The following PRICKLE1 variants were observed in gnomAD, a reference collection of about 807,000 sequenced individuals.
PRICKLE1 encodes the protein prickle planar cell polarity protein 1.
PRICKLE1 carries 14 observed loss-of-function variants against 70.2 expected under a neutral mutation model. The observed-to-expected ratio is 0.20, with a 90% CI of 0.13 to 0.31. The LOEUF is 0.31. Among genes scored for constraint, PRICKLE1 ranks in the 10% least tolerant of loss-of-function variants. The pLI is 1.00. For missense variants in PRICKLE1, 821 were observed against 1,026.2 expected (o/e 0.80, Z 2.73); for synonymous variants, 357 against 379.9 (o/e 0.94, Z 0.70).
intron 1 of PRICKLE1, chr12:42,490,131 G>T (rs527718021): frequency 6.6e-6 from 1 of 152,282 alleles, no homozygotes; most frequent in Admixed American, 6.5e-5. Context: ...GTGATTATAG[G>T]AATATTTGAG....
Position 42,553,401 on chromosome 12 carries a change from G to A in PRICKLE1, c.-49+36064C>T, listed in dbSNP as rs534541873. ...AGAGCTTGCAGTGAGCCGAGATCAC[G>A]CCACTGCACTCCAGCCTGGGCAACA... is the stretch of plus-strand genomic sequence containing the variant. On this transcript the variant is annotated intron_variant, in intron 1 of 7. Coordinates refer to ENST00000345127, the MANE Select transcript of PRICKLE1 (RefSeq NM_153026.3). Among the ~76,000 whole-genome samples, 9 of 151,220 alleles carry A rather than the reference G, an allele frequency of 6.0e-5. No homozygotes were observed. The South Asian group carries it at 1.7e-3, about 28-fold the overall frequency.
intron 1 of PRICKLE1, among the ~76,000 whole-genome samples, chr12:42,579,322 T>C (rs1272434595): frequency 2.0e-5 from 3 of 152,186 alleles, no homozygotes; most frequent in Non-Finnish European, 2.9e-5. Context: ...TGAGCTGTGA[T>C]TTCACATGTC....
At chr12:42,478,400 A>C (rs998101415) in intron 1 of PRICKLE1, among the ~76,000 whole-genome samples, 1 of 152,208 alleles carries the variant, frequency 6.6e-6, no homozygotes, top group African/African-American at 2.4e-5. Context: ...ATGAAGGAGA[A>C]AGAAAAGCAA....
intron 1 of PRICKLE1, among the ~76,000 whole-genome samples, chr12:42,582,625 T>C (rs1458254914): frequency 6.6e-6 from 1 of 152,240 alleles, no homozygotes; most frequent in African/African-American, 2.4e-5. Flanking sequence ...AGTCTTCTTG[T>C]GTACAATCGA....
At chr12:42,499,622 T>C (rs1939270379) in intron 1 of PRICKLE1, among the ~76,000 whole-genome samples, 1 of 152,140 alleles carries the variant, frequency 6.6e-6, no homozygotes, top group Non-Finnish European at 1.5e-5. Context: ...GGTTTCACCA[T>C]GTTGGCCAGG....
intron 1 of PRICKLE1, among the ~76,000 whole-genome samples, chr12:42,576,175 A>G (rs1220575213): frequency 2.6e-5 from 4 of 152,284 alleles, no homozygotes; most frequent in Admixed American, 2.6e-4. Flanking sequence ...CTTAACATTA[A>G]ATGGTTAACA....
chr12:42,520,496 A>G (rs1039128326), intron 1 of PRICKLE1, among the ~76,000 whole-genome samples: 11 of 152,172 alleles, frequency 7.2e-5, no homozygotes, highest in African/African-American at 2.7e-4. Flanking sequence ...AATTTACTGC[A>G]CTGAGTTGCG....
rs750464270 is a variant in PRICKLE1 at position 42,464,432 on chromosome 12, C to T, written c.1602G>A (p.Arg534=). 6.2e-7 allele frequency: 1 copy of T among 1,614,058 alleles called. No individual in the cohort carries two copies. Among genetic ancestry groups the T allele is most frequent in the South Asian group, 1.1e-5 (1 of 91,080 alleles). Residue 534 remains arginine, a synonymous_variant, in exon 7 of 8, where the codon CGG becomes CGA. Transcript: ENST00000345127. The surrounding 1 kb of genome is among the most constrained non-coding windows in gnomAD (Gnocchi z 4.2). ...LSDLKPEQSV[R]DSMDSLALSN... The stretch of plus-strand genomic sequence containing the variant: ...ACAATGCCAAAGAATCCATCGAATC[C>T]CGAACACTTTGCTCTGGTTTCAGGT...
intron 1 of PRICKLE1, among the ~76,000 whole-genome samples, chr12:42,512,950 CATT>C (rs34357156): frequency 0.75 from 112,234 of 149,782 alleles, 42,395 homozygotes; most frequent in African/African-American, 0.83. Context: ...TGCCCTAAGG[CATT>C]ATTATTATTA....
intron 1 of PRICKLE1, among the ~76,000 whole-genome samples, chr12:42,528,181 A>C (rs1373283152): frequency 6.6e-6 from 1 of 151,952 alleles, no homozygotes; most frequent in Non-Finnish European, 1.5e-5. Flanking sequence ...CCCGGGCTCA[A>C]CTGGCCCTCC....
intron 1 of PRICKLE1, among the ~76,000 whole-genome samples, chr12:42,587,778 T>C (rs1186577456): frequency 6.6e-6 from 1 of 152,218 alleles, no homozygotes; most frequent in Admixed American, 6.5e-5. Flanking sequence ...GATGAATGGC[T>C]GCTGTTTAAG....
intron 1 of PRICKLE1, among the ~76,000 whole-genome samples, chr12:42,571,984 G>A (rs902110901): frequency 1.9e-4 from 29 of 152,314 alleles, no homozygotes; most frequent in African/African-American, 6.7e-4. Flanking sequence ...ATGAATGAAT[G>A]AGAGAGAAAT....
intron 1 of PRICKLE1, among the ~76,000 whole-genome samples, chr12:42,478,162 G>C (rs895183960): frequency 5.9e-5 from 9 of 152,070 alleles, no homozygotes; most frequent in Non-Finnish European, 8.8e-5. Flanking sequence ...ATCCATTTGA[G>C]AGTGTATTTT....
intron 1 of PRICKLE1, among the ~76,000 whole-genome samples, chr12:42,519,283 A>G (rs886777477): frequency 2.6e-4 from 36 of 139,060 alleles, no homozygotes; most frequent in African/African-American, 9.9e-4. Flanking sequence ...TGCAACCTCT[A>G]CCTCCTGGGT....
At chr12:42,477,884 T>C (rs1938630697) in intron 1 of PRICKLE1, among the ~76,000 whole-genome samples, 1 of 151,986 alleles carries the variant, frequency 6.6e-6, no homozygotes, top group African/African-American at 2.4e-5. Context: ...AGAGTAAAAC[T>C]TTTTTTATGA....
At chr12:42,468,604 G>C (rs771501472) in intron 5 of PRICKLE1, 22 bp downstream of exon 5, 1 of 1,609,620 alleles carries the variant, frequency 6.2e-7, no homozygotes, top group East Asian at 2.2e-5. Context: ...TTCCCAGTGT[G>C]AAAGGATGAA....
intron 1 of PRICKLE1, among the ~76,000 whole-genome samples, chr12:42,527,916 A>ACTAT (rs1259916068): frequency 9.9e-5 from 2 of 20,168 alleles, no homozygotes; most frequent in Admixed American, 7.3e-4. Flanking sequence ...TACTCTTTAT[A>ACTAT]ATATATATAT....
chr12:42,477,482 G>GTGTA (rs1350601331), intron 1 of PRICKLE1, among the ~76,000 whole-genome samples: 6 of 116,404 alleles, frequency 5.2e-5, no homozygotes, highest in Admixed American at 1.8e-4. Context: ...GTGTGTGTGT[G>GTGTA]TATATATATA....
intron 1 of PRICKLE1, among the ~76,000 whole-genome samples, chr12:42,505,739 G>T (rs1252248245): frequency 6.6e-6 from 1 of 152,082 alleles, no homozygotes; most frequent in Non-Finnish European, 1.5e-5. Context: ...CCCGGCCCAG[G>T]TTGCATTTGT....
Sources: allele counts gnomAD v4.1 joint callset (sites outside exome capture counted in the v4.1 genomes callset), GRCh38; gene constraint gnomAD v4.1.1; non-coding constraint Gnocchi (gnomAD v3.1); transcripts MANE v1.5; gene names NCBI Gene and HGNC (gene_info 2026-07-23, HGNC 2026-07-21).